The following LONP1 variants were observed in gnomAD, a reference collection of about 807,000 sequenced individuals.
LONP1 encodes lon protease homolog, mitochondrial.
LONP1 carries 31 observed loss-of-function variants against 98.5 expected under a neutral mutation model. That is an observed-to-expected ratio of 0.31 (90% CI 0.24 to 0.42). The LOEUF is 0.42. Ranked by LOEUF, LONP1 falls within the 20% of genes least tolerant of loss-of-function variation. The pLI, the probability that LONP1 is intolerant of heterozygous loss-of-function variation, is 1.00. For synonymous variants in LONP1, 781 were observed against 594.7 expected (o/e 1.31, Z -4.56); for missense variants, 1,336 against 1,350.6 (o/e 0.99, Z 0.17).
intron 11 of LONP1, 139 bp downstream of exon 11, chr19:5,696,531 G>A (rs1229091314): frequency 7.0e-6 from 9 of 1,287,886 alleles, no homozygotes; most frequent in Admixed American, 6.6e-5. Context: ...GGGTGGGAGG[G>A]ACCCGTCCGT....
intron 1 of LONP1, 39 bp from the exon 2 acceptor site, chr19:5,714,310 A>ATTTT: frequency 7.4e-6 from 10 of 1,360,396 alleles, no homozygotes; most frequent in South Asian, 1.3e-5. Flanking sequence ...TGCAGAGTAG[A>ATTTT]TTTTTTTTTT....
chr19:5,692,602 CCT>C, intron 17 of LONP1, among the ~76,000 whole-genome samples: 1 of 152,298 alleles, frequency 6.6e-6, no homozygotes, highest in East Asian at 1.9e-4. Flanking sequence ...GCGTCACCCC[CCT>C]CACCTCCGGA....
At chr19:5,698,186 T>C (rs2054976830) in intron 10 of LONP1, among the ~76,000 whole-genome samples, 1 of 151,072 alleles carries the variant, frequency 6.6e-6, no homozygotes, top group African/African-American at 2.4e-5. Context: ...GACTGGACAC[T>C]GCGCGGGCCA....
intron 8 of LONP1, among the ~76,000 whole-genome samples, chr19:5,702,339 G>A (rs1287443669): frequency 1.2e-4 from 18 of 144,678 alleles, no homozygotes; most frequent in African/African-American, 2.9e-4. Flanking sequence ...CAGCCGCCCC[G>A]TCCGGGAGGG....
intron 8 of LONP1, among the ~76,000 whole-genome samples, chr19:5,702,338 C>T (rs959615672): frequency 2.7e-5 from 4 of 148,338 alleles, no homozygotes; most frequent in African/African-American, 7.5e-5. Flanking sequence ...CCAGCCGCCC[C>T]GTCCGGGAGG....
intron 8 of LONP1, among the ~76,000 whole-genome samples, chr19:5,701,388 G>A (rs925430530): frequency 6.6e-6 from 1 of 151,976 alleles, no homozygotes; most frequent in Admixed American, 6.6e-5. Flanking sequence ...CCGAGCCGAG[G>A]CTGGACTGTG....
intron 1 of LONP1, among the ~76,000 whole-genome samples, chr19:5,718,794 T>C (rs1164335685): frequency 6.6e-6 from 1 of 152,090 alleles, no homozygotes; most frequent in Non-Finnish European, 1.5e-5. Flanking sequence ...GCTTTCTCTC[T>C]ATTACATCAT....
At chr19:5,703,014 T>TAAAAA (rs75284257) in intron 8 of LONP1, among the ~76,000 whole-genome samples, 1 of 112,342 alleles carries the variant, frequency 8.9e-6, no homozygotes, top group Non-Finnish European at 1.9e-5. Context: ...GAATGATCAA[T>TAAAAA]AAAAAAAAAA....
Position 5,713,158 on chromosome 19 carries a change from C to T in LONP1, c.614G>A (p.Arg205His), listed in dbSNP as rs199803800. ...HEMQDLGDKL[R>H]MIVMGHRRVH... ...CCTTCTGTGTCCCATGACGATCATG[C>T]GCAGCTTGTCCCCAAGGTCCTGCAT... The change falls in exon 3 of 18, where the codon CGC becomes CAC. Residue 205 changes from arginine to histidine, a missense_variant. This residue lies in a region of LONP1 where 457 missense variants were observed against 403.1 expected (regional missense o/e 1.13). Coordinates refer to ENST00000360614, the MANE Select transcript of LONP1 (RefSeq NM_004793.4). 4.9e-5 allele frequency: 79 copies of T among 1,614,058 alleles called. No homozygotes were observed. Among genetic ancestry groups the T allele is most frequent in the African/African-American group, 5.3e-5 (4 of 74,930 alleles).
intron 10 of LONP1, 81 bp from the exon 11 acceptor site, chr19:5,696,838 G>A (rs1030081955): frequency 1.1e-6 from 1 of 888,464 alleles, no homozygotes. Flanking sequence ...CAGGGCCACA[G>A]GGGAGAGGCC....
chr19:5,693,728 G>C lies in LONP1; in HGVS notation c.2362C>G (p.Gln788Glu). Residue 788 changes from glutamine (Q) to glutamate (E), a missense_variant, in exon 16 of 18, where the codon CAG becomes GAG. By Grantham distance (29) the Gln-to-Glu change is conservative. Transcript: ENST00000360614. ...LFVETSLRRP[Q>E]DKDAKGDKDG... is the part of the protein sequence containing the mutation. ...TTGTCACCCTTGGCATCCTTGTCCT[G>C]TGGCCGTCTCAGGGATGTCTCCACA... is the stretch of plus-strand genomic sequence containing the variant. The C allele has an allele frequency of 6.2e-7, 1 of 1,614,018 alleles. No individual in the cohort carries two copies. The highest frequency in any genetic ancestry group is 1.1e-5 in the South Asian group (1 of 91,084).
chr19:5,695,949 T>C, intron 13 of LONP1, 105 bp downstream of exon 13: 1 of 980,146 alleles, frequency 1.0e-6, no homozygotes, highest in Non-Finnish European at 1.5e-6. Flanking sequence ...AGGTCCCACC[T>C]GTCTCTCCCG....
At chr19:5,700,977 GTC>G (rs778061576) in intron 8 of LONP1, 50 bp from the exon 9 acceptor site, 4 of 1,608,410 alleles carry the variant, frequency 2.5e-6, no homozygotes, top group Non-Finnish European at 3.4e-6. Context: ...CGAGCTGCCT[GTC>G]TCTCTGCTGG....
Position 5,696,059 on chromosome 19 carries a change from C to T in LONP1, c.2008G>A (p.Ala670Thr). ...TGGGGAGGGGCTGGGCTTACCTCCG[C>T]AATGGCCAGCTTCTCCTGGGCCACG... is the stretch of plus-strand genomic sequence containing the variant. ...GYVAQEKLAI[A>T]ERYLVPQARA... The change falls in exon 13 of 18, where the codon GCG (alanine) becomes ACG (threonine). Residue 670 changes from alanine (A) to threonine (T), a missense_variant. Transcript: ENST00000360614. 6.2e-7 allele frequency: 1 copy of T among 1,612,166 alleles called. No individual in the cohort carries two copies. Among genetic ancestry groups the T allele is most frequent in the Non-Finnish European group, 8.5e-7 (1 of 1,179,716 alleles).
Position 5,699,110 on chromosome 19 carries a change from G to A in LONP1, c.1602C>T (p.Arg534=). The change falls in exon 10 of 18, where the codon CGC becomes CGT. Residue 534 remains arginine, a synonymous_variant. Transcript: ENST00000360614. ...PPGVGKTSIA[R]SIARALNREY... Reference sequence around the variant, plus strand: ...CTCGGTTCAGGGCGCGGGCGATGGAGCGAGCAATGCTGGTCTTACCCACGC... The same window carrying A: ...CTCGGTTCAGGGCGCGGGCGATGGAACGAGCAATGCTGGTCTTACCCACGC... 6.3e-7 allele frequency: 1 copy of A among 1,599,604 alleles called. No homozygotes were observed. The highest frequency in any genetic ancestry group is 8.5e-7 in the Non-Finnish European group (1 of 1,170,748).
intron 4 of LONP1, 65 bp from the exon 5 acceptor site, chr19:5,708,468 G>GGGGGGGGC: frequency 3.6e-6 from 2 of 551,262 alleles, no homozygotes; most frequent in African/African-American, 2.0e-5. Context: ...GGCTGGGTGG[G>GGGGGGGGC]AGCATGGCCC....
chr19:5,712,209 C>T (rs1173448955), intron 3 of LONP1: 7 of 561,012 alleles, frequency 1.2e-5, no homozygotes, highest in Middle Eastern at 4.6e-4. Flanking sequence ...CCTTAGACTC[C>T]AGCCAGATTC....
intron 9 of LONP1, among the ~76,000 whole-genome samples, chr19:5,699,800 C>T (rs1205973287): frequency 1.3e-5 from 2 of 151,886 alleles, no homozygotes; most frequent in Admixed American, 6.6e-5. Flanking sequence ...CCTTGTGATC[C>T]ACCCGCCTCG....
intron 1 of LONP1, among the ~76,000 whole-genome samples, chr19:5,718,510 T>A (rs1471321023): frequency 6.6e-6 from 1 of 150,752 alleles, no homozygotes; most frequent in African/African-American, 2.4e-5. Flanking sequence ...TGGAGCAGCG[T>A]TGGAGAAGCT....
Sources: allele counts gnomAD v4.1 joint callset (sites outside exome capture counted in the v4.1 genomes callset), GRCh38; gene constraint gnomAD v4.1.1; regional missense constraint gnomAD v4.1.1; transcripts MANE v1.5; gene names NCBI Gene and HGNC (gene_info 2026-07-23, HGNC 2026-07-21).